Variants in NTNG1 observed in about 807,000 individuals in gnomAD.
NTNG1 encodes the protein netrin-G1.
Under a neutral mutation model 54.0 loss-of-function variants are expected in NTNG1, and 16 were observed. The observed-to-expected ratio is 0.30, with a 90% confidence interval of 0.20 to 0.45. The LOEUF is 0.45. Among genes scored for constraint, NTNG1 ranks in the 20% least tolerant of loss-of-function variants. NTNG1 has a pLI of 1.00. For missense variants in NTNG1, 530 were observed against 678.7 expected, an observed-to-expected ratio of 0.78 and a Z score of 2.43; for synonymous variants, 255 against 263.1, an observed-to-expected ratio of 0.97 and a Z score of 0.30.
At chr1:107,410,862 G>A (rs924069220) in intron 5 of NTNG1, among the ~76,000 whole-genome samples, 16 of 152,150 alleles carry the variant, frequency 1.1e-4, no homozygotes, top group African/African-American at 3.9e-4. Context: ...ATTATAAAAA[G>A]CATAATTAGA....
At chr1:107,260,608 A>G (rs1033467564) in intron 2 of NTNG1, among the ~76,000 whole-genome samples, 4 of 152,144 alleles carry the variant, frequency 2.6e-5, no homozygotes, top group African/African-American at 9.7e-5. Context: ...CATCATTACA[A>G]ACCATGTGTT....
intron 2 of NTNG1, among the ~76,000 whole-genome samples, chr1:107,219,980 T>C (rs1319695475): frequency 6.6e-6 from 1 of 152,180 alleles, no homozygotes; most frequent in Non-Finnish European, 1.5e-5. Context: ...GTCCTTTGTC[T>C]TTGGCTACCA....
At chr1:107,420,256 T>C (rs1188200999) in intron 5 of NTNG1, among the ~76,000 whole-genome samples, 1 of 152,086 alleles carries the variant, frequency 6.6e-6, no homozygotes, top group Non-Finnish European at 1.5e-5. Flanking sequence ...AGTTGCACTT[T>C]CTTAGAATGT....
At chr1:107,188,148 T>C (rs1570796787) in intron 2 of NTNG1, among the ~76,000 whole-genome samples, 1 of 152,278 alleles carries the variant, frequency 6.6e-6, no homozygotes, top group East Asian at 1.9e-4. Flanking sequence ...AATTGATTTT[T>C]TTTTTAAATC....
chr1:107,234,803 A>AT (rs1661301612), intron 2 of NTNG1, among the ~76,000 whole-genome samples: 1 of 152,180 alleles, frequency 6.6e-6, no homozygotes, highest in Admixed American at 6.6e-5. Flanking sequence ...AAGTGTGGGG[A>AT]TGTGCTGCTA....
At chr1:107,302,593 A>C (rs534535057) in intron 2 of NTNG1, among the ~76,000 whole-genome samples, 24 of 152,076 alleles carry the variant, frequency 1.6e-4, no homozygotes, top group African/African-American at 5.3e-4. Context: ...TATTTTTTTA[A>C]AGTATTGCTC....
intron 5 of NTNG1, among the ~76,000 whole-genome samples, chr1:107,416,592 A>G (rs1049548129): frequency 6.6e-6 from 1 of 152,104 alleles, no homozygotes; most frequent in African/African-American, 2.4e-5. Context: ...AAGGAGTTAC[A>G]CTAAAATACA....
chr1:107,241,871 A>G lies in NTNG1; in HGVS notation c.247-82411A>G, dbSNP rs58462798. 9.3e-3 allele frequency among the ~76,000 whole-genome samples: 1,418 copies of G among 152,266 alleles called. 17 individuals carry two copies. Among genetic ancestry groups the G allele is most frequent in the African/African-American group, 0.032 (1,317 of 41,546 alleles). ...GTTTTACTTTAACTTCTCGAGAAAA[A>G]AAATCTTGAACTGACTTAAAAGAGT... On this transcript the variant is annotated intron_variant, in intron 2 of 7. Coordinates refer to ENST00000370068, the MANE Select transcript of NTNG1 (RefSeq NM_001113226.3).
chr1:107,450,582 GA>G (rs558345375), intron 7 of NTNG1, among the ~76,000 whole-genome samples: 6 of 149,638 alleles, frequency 4.0e-5, no homozygotes, highest in African/African-American at 1.2e-4. Flanking sequence ...CTCCTTCCCG[GA>G]AAAAAAAAGA....
chr1:107,297,051 A>G (rs1476229105), intron 2 of NTNG1, among the ~76,000 whole-genome samples: 1 of 148,548 alleles, frequency 6.7e-6, no homozygotes, highest in Non-Finnish European at 1.5e-5. Flanking sequence ...AGCAAGTACT[A>G]TCTGGTAAGT....
At chr1:107,474,254 C>A (rs1678171002) in intron 7 of NTNG1, among the ~76,000 whole-genome samples, 1 of 152,154 alleles carries the variant, frequency 6.6e-6, no homozygotes, top group Non-Finnish European at 1.5e-5. Flanking sequence ...TTGGGACATG[C>A]TTAAAATGAA....
intron 7 of NTNG1, among the ~76,000 whole-genome samples, chr1:107,468,817 G>T (rs958314599): frequency 2.1e-4 from 31 of 150,504 alleles, no homozygotes; most frequent in African/African-American, 7.3e-4. Context: ...TGATAGGAAG[G>T]CCGGGTGTGG....
chr1:107,320,803 T>A (rs1179601548), intron 2 of NTNG1, among the ~76,000 whole-genome samples: 1 of 151,906 alleles, frequency 6.6e-6, no homozygotes, highest in Non-Finnish European at 1.5e-5. Flanking sequence ...AAATCACTAA[T>A]CTCCTAAAAG....
intron 2 of NTNG1, among the ~76,000 whole-genome samples, chr1:107,308,185 T>C (rs1429938987): frequency 6.6e-6 from 1 of 152,212 alleles, no homozygotes; most frequent in Non-Finnish European, 1.5e-5. Context: ...TTTTTGCTTT[T>C]GTCGAGATTG....
intron 7 of NTNG1, among the ~76,000 whole-genome samples, chr1:107,464,675 G>A (rs11185119): frequency 0.45 from 68,478 of 151,910 alleles, 16,110 homozygotes; most frequent in Admixed American, 0.55. Context: ...AAAAGTGTTT[G>A]TCCATGCAGG....
chr1:107,172,344 T>A (rs1056077751), intron 2 of NTNG1, among the ~76,000 whole-genome samples: 1 of 152,160 alleles, frequency 6.6e-6, no homozygotes, highest in African/African-American at 2.4e-5. Context: ...CTGTCAAACA[T>A]CAACTGCATA....
At chr1:107,278,542 T>G (rs1435879829) in intron 2 of NTNG1, among the ~76,000 whole-genome samples, 1 of 152,192 alleles carries the variant, frequency 6.6e-6, no homozygotes, top group Non-Finnish European at 1.5e-5. Flanking sequence ...GAATTGAAGG[T>G]CTTTTATTCA....
intron 3 of NTNG1, among the ~76,000 whole-genome samples, chr1:107,372,711 C>T (rs1192829880): frequency 6.6e-6 from 1 of 152,038 alleles, no homozygotes; most frequent in African/African-American, 2.4e-5. Flanking sequence ...AATTTTCTAT[C>T]TACTTGTTCT....
At chr1:107,475,837 G>C (rs957058058) in intron 7 of NTNG1, among the ~76,000 whole-genome samples, 1 of 152,104 alleles carries the variant, frequency 6.6e-6, no homozygotes, top group Non-Finnish European at 1.5e-5. Context: ...ATACACATCA[G>C]TGGCCAGTAG....
Sources: allele counts gnomAD v4.1 joint callset (sites outside exome capture counted in the v4.1 genomes callset), GRCh38; gene constraint gnomAD v4.1.1; transcripts MANE v1.5; gene names NCBI Gene and HGNC (gene_info 2026-07-23, HGNC 2026-07-21).